Variants in KCNK13 observed in about 807,000 individuals in gnomAD.
The protein encoded by KCNK13 is potassium two pore domain channel subfamily K member 13, also known as potassium channel subfamily K member 13.
Under a neutral mutation model 23.4 loss-of-function variants are expected in KCNK13, and 12 were observed. That is an observed-to-expected ratio of 0.51 (90% confidence interval 0.33 to 0.83). The LOEUF (loss-of-function observed/expected upper bound fraction) is 0.83. Ranked by LOEUF, KCNK13 falls within the 40% of genes least tolerant of loss-of-function variation. The pLI is 0.02. For missense variants in KCNK13, 463 were observed against 556.3 expected (o/e 0.83, Z 1.69); for synonymous variants, 231 against 229.5 (o/e 1.01, Z -0.06).
chr14:90,107,237 C>T (rs558141971), intron 1 of KCNK13, among the ~76,000 whole-genome samples: 3 of 151,774 alleles, frequency 2.0e-5, no homozygotes, highest in African/African-American at 4.8e-5. Flanking sequence ...CCCAGCACTT[C>T]GGGAGGCCAA....
chr14:90,101,598 G>A (rs1381009638), intron 1 of KCNK13, among the ~76,000 whole-genome samples: 2 of 151,610 alleles, frequency 1.3e-5, no homozygotes, highest in East Asian at 3.9e-4. Flanking sequence ...AAACCACCCT[G>A]CGCAACATGG....
chr14:90,154,038 C>A (rs1199795628), intron 1 of KCNK13, among the ~76,000 whole-genome samples: 2 of 152,158 alleles, frequency 1.3e-5, no homozygotes, highest in Admixed American at 1.3e-4. Context: ...CTGATTGGCC[C>A]TATGCTCTGA....
chr14:90,185,043 G>C lies in KCNK13; in HGVS notation c.*40G>C. On this transcript the variant is annotated 3_prime_UTR_variant, in exon 2 of 2. Transcript: ENST00000282146. ...TGCTGGGCAGAGGCCAGAGTAGAAT[G>C]GAGGATGATTGCCGCCCAGGGGACG... The C allele has an allele frequency of 8.0e-6, 12 of 1,493,160 alleles. No homozygotes were observed. Among genetic ancestry groups the C allele is most frequent in the Non-Finnish European group, 9.8e-6 (11 of 1,122,306 alleles). 92.5% of individuals were successfully genotyped at this position (1,493,160 alleles called of 1,614,324 possible).
chr14:90,071,897 CAA>C (rs778743886), intron 1 of KCNK13, among the ~76,000 whole-genome samples: 6 of 131,956 alleles, frequency 4.5e-5, no homozygotes, highest in Admixed American at 7.7e-5. Flanking sequence ...GACTCCATCT[CAA>C]AAAAAAAAAA....
At chr14:90,152,535 C>T (rs1566647033) in intron 1 of KCNK13, among the ~76,000 whole-genome samples, 1 of 148,076 alleles carries the variant, frequency 6.8e-6, no homozygotes, top group African/African-American at 2.5e-5. Flanking sequence ...AACTCCATCT[C>T]AAAAAAAAAA....
At chr14:90,154,982 G>A (rs1367861595) in intron 1 of KCNK13, among the ~76,000 whole-genome samples, 4 of 152,198 alleles carry the variant, frequency 2.6e-5, no homozygotes, top group Admixed American at 2.6e-4. Flanking sequence ...GGATACAGCA[G>A]TGAACAAGAC....
chr14:90,160,503 T>G (rs1024257143), intron 1 of KCNK13, among the ~76,000 whole-genome samples: 4 of 152,130 alleles, frequency 2.6e-5, no homozygotes, highest in Admixed American at 2.0e-4. Flanking sequence ...AGTACTTATA[T>G]TTTGGGTGAT....
intron 1 of KCNK13, among the ~76,000 whole-genome samples, chr14:90,113,077 C>T (rs553584460): frequency 1.2e-4 from 18 of 152,052 alleles, no homozygotes; most frequent in Middle Eastern, 3.4e-3. Flanking sequence ...CCATGCCCTG[C>T]TAATTTTTTA....
At chr14:90,091,670 A>C (rs1052236785) in intron 1 of KCNK13, among the ~76,000 whole-genome samples, 3 of 151,792 alleles carry the variant, frequency 2.0e-5, no homozygotes, top group Non-Finnish European at 4.4e-5. Context: ...ACAGTGATGC[A>C]TGAAGGGTAA....
At chr14:90,168,062 A>G (rs1372182754) in intron 1 of KCNK13, among the ~76,000 whole-genome samples, 2 of 152,162 alleles carry the variant, frequency 1.3e-5, no homozygotes, top group East Asian at 3.9e-4. Flanking sequence ...TGTTTTCTGC[A>G]TCACATACTA....
chr14:90,155,209 G>A (rs1421810892), intron 1 of KCNK13, among the ~76,000 whole-genome samples: 2 of 152,150 alleles, frequency 1.3e-5, no homozygotes, highest in Non-Finnish European at 2.9e-5. Flanking sequence ...GAGGTGAAAG[G>A]ATGAGGCTTG....
At chr14:90,105,107 A>G (rs1889529003) in intron 1 of KCNK13, among the ~76,000 whole-genome samples, 2 of 151,862 alleles carry the variant, frequency 1.3e-5, no homozygotes, top group African/African-American at 4.8e-5. Flanking sequence ...TTCCAACTCC[A>G]TTTTGCTACG....
At chr14:90,130,624 C>A (rs2140422448) in intron 1 of KCNK13, among the ~76,000 whole-genome samples, 1 of 151,936 alleles carries the variant, frequency 6.6e-6, no homozygotes. Flanking sequence ...ACAAGCCTGG[C>A]CAAAGTGGCA....
At chr14:90,077,414 C>G (rs1889153141) in intron 1 of KCNK13, among the ~76,000 whole-genome samples, 1 of 152,222 alleles carries the variant, frequency 6.6e-6, no homozygotes, top group Admixed American at 6.5e-5. Context: ...AGCCACCATG[C>G]CCGGCCAATC....
At chr14:90,078,184 G>A (rs749819613) in intron 1 of KCNK13, among the ~76,000 whole-genome samples, 6 of 152,154 alleles carry the variant, frequency 3.9e-5, no homozygotes, top group Non-Finnish European at 5.9e-5. Context: ...ACTTTGGGAG[G>A]CCGAGGTGGG....
At chr14:90,083,358 A>G (rs1216213722) in intron 1 of KCNK13, among the ~76,000 whole-genome samples, 1 of 152,222 alleles carries the variant, frequency 6.6e-6, no homozygotes, top group Non-Finnish European at 1.5e-5. Flanking sequence ...ATCTAAGGTC[A>G]TGAAGATTTA....
chr14:90,171,008 C>T (rs533975154), intron 1 of KCNK13, among the ~76,000 whole-genome samples: 4 of 152,302 alleles, frequency 2.6e-5, no homozygotes, highest in Non-Finnish European at 5.9e-5. Flanking sequence ...GTTTGCCGGA[C>T]CCAGTTCCCA....
At position 90,062,974 on chromosome 14, in the gene KCNK13, A is replaced by G. The variant is rs1469573119; in HGVS notation, c.334+435A>G. Among the ~76,000 whole-genome samples the G allele has an allele frequency of 6.6e-6, 1 of 152,190 alleles. No individual in the cohort carries two copies. The highest frequency in any genetic ancestry group is 1.5e-5 in the Non-Finnish European group (1 of 68,038). On this transcript the variant is annotated intron_variant, in intron 1 of 1. Transcript: ENST00000282146. This position sits in a 1 kb window ranked among gnomAD's most constrained non-coding sequence, Gnocchi z 4.5. ...ACTGAGTCAGTCAGAGGGGAAGTGC[A>G]GATTTTAAAAGATTCTGCCCTCGAC...
At chr14:90,156,097 G>A (rs942142946) in intron 1 of KCNK13, among the ~76,000 whole-genome samples, 2 of 151,902 alleles carry the variant, frequency 1.3e-5, no homozygotes, top group Non-Finnish European at 2.9e-5. Flanking sequence ...ACAGCTACTT[G>A]GGGGGCTTGA....
Sources: gnomAD v4.1 joint callset for allele counts (sites outside exome capture counted in the v4.1 genomes callset) on GRCh38, gnomAD v4.1.1 for gene constraint, Gnocchi (gnomAD v3.1) non-coding constraint, MANE v1.5 for transcripts, NCBI Gene and HGNC (gene_info 2026-07-23, HGNC 2026-07-21) for gene names.